Variants in ARHGAP24 observed in about 807,000 individuals in gnomAD.
ARHGAP24 encodes the protein rho GTPase-activating protein 24.
In ARHGAP24, 50 loss-of-function variants were observed where a neutral mutation model predicts 76.4. That is an observed-to-expected ratio of 0.65 (90% CI 0.52 to 0.83). The LOEUF (loss-of-function observed/expected upper bound fraction) is 0.83. ARHGAP24 is among the 40% of genes least tolerant of loss of function. The probability of loss-of-function intolerance (pLI) is 0.00; values close to 1 mark genes in which losing one functional copy is unlikely to be tolerated. For missense variants in ARHGAP24, 930 were observed against 914.2 expected (o/e 1.02, Z -0.22); for synonymous variants, 345 against 323.3 (o/e 1.07, Z -0.72).
At chr4:85,780,768 T>A (rs1355812181) in intron 3 of ARHGAP24, among the ~76,000 whole-genome samples, 1 of 152,228 alleles carries the variant, frequency 6.6e-6, no homozygotes, top group Non-Finnish European at 1.5e-5. Context: ...CAGTGACATC[T>A]ATTTTGGGTG....
chr4:85,785,750 G>T (rs551230455), intron 3 of ARHGAP24, among the ~76,000 whole-genome samples: 24 of 152,144 alleles, frequency 1.6e-4, no homozygotes, highest in African/African-American at 5.3e-4. Flanking sequence ...CATCAGTGCC[G>T]TTGTCAAATT....
chr4:85,857,628 G>T (rs1731659240), intron 3 of ARHGAP24, among the ~76,000 whole-genome samples: 1 of 152,074 alleles, frequency 6.6e-6, no homozygotes, highest in Admixed American at 6.6e-5. Flanking sequence ...AAAATGTTAG[G>T]TTATACCTTT....
intron 2 of ARHGAP24, among the ~76,000 whole-genome samples, chr4:85,692,008 C>T (rs1473732963): frequency 6.6e-6 from 1 of 152,196 alleles, no homozygotes; most frequent in African/African-American, 2.4e-5. Flanking sequence ...AAGGACTTCT[C>T]GTAAGGCTAG....
At chr4:85,879,724 A>G (rs1331529605) in intron 3 of ARHGAP24, among the ~76,000 whole-genome samples, 1 of 152,056 alleles carries the variant, frequency 6.6e-6, no homozygotes, top group Non-Finnish European at 1.5e-5. Context: ...ATTAAATTAT[A>G]TGTATTTAAT....
chr4:85,956,189 T>C (rs1737890743), intron 5 of ARHGAP24, among the ~76,000 whole-genome samples: 1 of 152,238 alleles, frequency 6.6e-6, no homozygotes, highest in Admixed American at 6.5e-5. Flanking sequence ...CCTGTGTGTG[T>C]AAATGGTAAA....
chr4:85,830,330 A>G (rs1729927123), intron 3 of ARHGAP24, among the ~76,000 whole-genome samples: 1 of 152,156 alleles, frequency 6.6e-6, no homozygotes, highest in Non-Finnish European at 1.5e-5. Flanking sequence ...AAAATGGGAG[A>G]GTGAGTGGGA....
intron 3 of ARHGAP24, among the ~76,000 whole-genome samples, chr4:85,803,320 A>G (rs1433508832): frequency 1.3e-5 from 2 of 152,236 alleles, no homozygotes; most frequent in Non-Finnish European, 2.9e-5. Flanking sequence ...CTTAGAAAAT[A>G]CATTGCTGTA....
intron 2 of ARHGAP24, among the ~76,000 whole-genome samples, chr4:85,579,166 CAGTTGAAGGGAGAACTATTGG>C (rs1436356441): frequency 6.6e-6 from 1 of 152,000 alleles, no homozygotes; most frequent in Non-Finnish European, 1.5e-5. Flanking sequence ...TTCTCAGCAC[CAGTTGAAGGGAGAACTATTGG>C]AGTTGAATTC....
At chr4:85,576,750 A>G (rs1444740924) in intron 2 of ARHGAP24, among the ~76,000 whole-genome samples, 10 of 152,208 alleles carry the variant, frequency 6.6e-5, no homozygotes, top group Non-Finnish European at 1.5e-4. Context: ...CATATAAAAT[A>G]TTATTTTATT....
At position 85,657,993 on chromosome 4, in the gene ARHGAP24, G is replaced by T. The variant is rs759796563; in HGVS notation, c.181-63892G>T. Among the ~76,000 whole-genome samples the T allele has an allele frequency of 4.3e-4, 66 of 152,180 alleles. 1 individual carries two copies. Among genetic ancestry groups the T allele is most frequent in the Non-Finnish European group, 8.8e-5 (6 of 68,040 alleles). ...TGGTCTCAAATTCCTGGCCTCAAGT[G>T]ATCTGCCCCCCTCGGCTTCCCAAGA... On this transcript the variant is annotated intron_variant, in intron 2 of 9. Transcript: ENST00000395184.
chr4:85,838,588 G>T (rs886425781), intron 3 of ARHGAP24, among the ~76,000 whole-genome samples: 1 of 152,188 alleles, frequency 6.6e-6, no homozygotes, highest in African/African-American at 2.4e-5. Context: ...GACAGAGCGA[G>T]ACTCTGTCTC....
At chr4:85,762,340 A>G (rs1219348396) in intron 3 of ARHGAP24, among the ~76,000 whole-genome samples, 1 of 152,204 alleles carries the variant, frequency 6.6e-6, no homozygotes, top group Non-Finnish European at 1.5e-5. Context: ...ACAGAAAATC[A>G]TATGATACTT....
At chr4:85,594,012 G>A (rs1728218770) in intron 2 of ARHGAP24, among the ~76,000 whole-genome samples, 1 of 151,940 alleles carries the variant, frequency 6.6e-6, no homozygotes, top group African/African-American at 2.4e-5. Flanking sequence ...TTTTTATAGG[G>A]ATTGCATTGA....
intron 2 of ARHGAP24, among the ~76,000 whole-genome samples, chr4:85,669,869 C>A (rs2110000848): frequency 6.6e-6 from 1 of 151,506 alleles, no homozygotes; most frequent in East Asian, 1.9e-4. Context: ...TGCAGCAATT[C>A]AGAAAAAATA....
chr4:85,679,939 C>T (rs1482099), intron 2 of ARHGAP24, among the ~76,000 whole-genome samples: 73,268 of 152,106 alleles, frequency 0.48, 18,320 homozygotes, highest in African/African-American at 0.59. Flanking sequence ...TTCTACCCAA[C>T]TGCACTTTCT....
rs566750995 is a variant in ARHGAP24, at chr4:85,661,824, A to G, written c.181-60061A>G. On this transcript the variant is annotated intron_variant, in intron 2 of 9. Coordinates refer to ENST00000395184, the MANE Select transcript of ARHGAP24 (RefSeq NM_001025616.3). Reference sequence around the variant, plus strand: ...AGAATGATGATTTCCAATTTCATCCATGTCCCTACAAAGGACATGAACTCA... The same window carrying G: ...AGAATGATGATTTCCAATTTCATCCGTGTCCCTACAAAGGACATGAACTCA... Among the ~76,000 whole-genome samples, 146 of 152,242 alleles carry G rather than the reference A, an allele frequency of 9.6e-4. 1 individual carries two copies. The Middle Eastern group carries it at 0.014, about 14-fold the overall frequency.
chr4:85,588,292 G>A (rs1727942414), intron 2 of ARHGAP24, among the ~76,000 whole-genome samples: 1 of 152,134 alleles, frequency 6.6e-6, no homozygotes, highest in South Asian at 2.1e-4. Flanking sequence ...CTTGCTAAAT[G>A]CTTCTTGCTG....
intron 5 of ARHGAP24, among the ~76,000 whole-genome samples, chr4:85,966,143 G>A (rs181167182): frequency 2.0e-4 from 31 of 152,270 alleles, no homozygotes; most frequent in Admixed American, 3.9e-4. Flanking sequence ...GAGAGAGAAA[G>A]AGCAAGCTTT....
intron 2 of ARHGAP24, among the ~76,000 whole-genome samples, chr4:85,645,561 T>C (rs998411029): frequency 2.0e-5 from 3 of 152,094 alleles, no homozygotes; most frequent in Non-Finnish European, 4.4e-5. Context: ...AAGGTAAAAC[T>C]GACTTTTTAA....
Sources: allele counts gnomAD v4.1 joint callset (sites outside exome capture counted in the v4.1 genomes callset), GRCh38; gene constraint gnomAD v4.1.1; transcripts MANE v1.5; gene names NCBI Gene and HGNC (gene_info 2026-07-23, HGNC 2026-07-21).